The following ABCC12 variants were observed in gnomAD, a reference collection of about 807,000 sequenced individuals.
ABCC12 encodes ATP-binding cassette sub-family C member 12.
A neutral mutation model predicts 151.1 loss-of-function variants in ABCC12; 142 were observed. The observed-to-expected ratio is 0.94, with a 90% CI of 0.82 to 1.08. ABCC12 has a LOEUF of 1.08. ABCC12 is among the 50% of genes least tolerant of loss of function. The probability of loss-of-function intolerance (pLI) is 0.00; values close to 1 mark genes in which losing one functional copy is unlikely to be tolerated. For missense variants in ABCC12, 1,638 were observed against 1,691.1 expected (o/e 0.97, Z 0.55); for synonymous variants, 645 against 646.4 (o/e 1.00, Z 0.03).
chr16:48,092,648 G>A (rs1185802997), intron 24 of ABCC12, among the ~76,000 whole-genome samples: 2 of 152,316 alleles, frequency 1.3e-5, no homozygotes, highest in East Asian at 3.9e-4. Context: ...CAGAGTTGAA[G>A]GTTATAGACA....
intron 1 of ABCC12, among the ~76,000 whole-genome samples, chr16:48,154,531 T>A (rs1965158541): frequency 1.3e-5 from 2 of 152,218 alleles, no homozygotes; most frequent in Non-Finnish European, 2.9e-5. Context: ...ACTGTCTCTG[T>A]GACTCTGAGA....
intron 3 of ABCC12, among the ~76,000 whole-genome samples, chr16:48,145,529 C>T (rs1414410557): frequency 3.9e-5 from 6 of 152,162 alleles, no homozygotes; most frequent in Non-Finnish European, 7.3e-5. Flanking sequence ...AGTCTGTTTC[C>T]TCACACTTTG....
intron 10 of ABCC12, 121 bp downstream of exon 10, chr16:48,130,667 C>T: frequency 1.4e-6 from 1 of 692,546 alleles, no homozygotes; most frequent in South Asian, 1.7e-5. Context: ...TGCCCTCCTC[C>T]CAATGTCAAC....
Position 48,142,224 on chromosome 16 carries a change from T to C in ABCC12, c.276-871A>G, listed in dbSNP as rs562263899. On this transcript the variant is annotated intron_variant, in intron 4 of 30. Transcript: ENST00000311303. Reference sequence around the variant, plus strand: ...GGTCAAGAATAGGTCCAGCTTTAGATAGAAGATGCTCGTGAGGCATCCAAG... The same window carrying C: ...GGTCAAGAATAGGTCCAGCTTTAGACAGAAGATGCTCGTGAGGCATCCAAG... 8.5e-5 allele frequency among the ~76,000 whole-genome samples: 13 copies of C among 152,292 alleles called. No homozygotes were observed. In the South Asian group the frequency reaches 1.0e-3, roughly 12 times the overall value.
intron 13 of ABCC12, among the ~76,000 whole-genome samples, chr16:48,120,307 G>A (rs1228492196): frequency 3.3e-5 from 5 of 152,074 alleles, no homozygotes; most frequent in Admixed American, 2.6e-4. Context: ...AGAGGCAGTG[G>A]GAATTCCAAA....
intron 21 of ABCC12, 64 bp from the exon 22 acceptor site, chr16:48,104,432 G>C: frequency 2.0e-6 from 3 of 1,473,828 alleles, no homozygotes; most frequent in Non-Finnish European, 1.9e-6. Context: ...CTGCTGCTCT[G>C]CTGGAGGTGA....
rs554213635 is a variant in ABCC12, at chr16:48,088,990, G to C, written c.3286-256C>G. On this transcript the variant is annotated intron_variant, in intron 25 of 30. Coordinates refer to ENST00000311303, the MANE Select transcript of ABCC12 (RefSeq NM_001393797.1). ...GAATGTGATTTGTGTGTTGGGAAAG[G>C]GGGGTAGGAGAGTAAAAGTACTTGA... 8.5e-4 allele frequency among the ~76,000 whole-genome samples: 130 copies of C among 152,292 alleles called. 3 individuals are homozygous for C. In the South Asian group the frequency reaches 0.025, roughly 30 times the overall value.
chr16:48,131,757 G>C (rs955152701), intron 9 of ABCC12, among the ~76,000 whole-genome samples: 1 of 152,220 alleles, frequency 6.6e-6, no homozygotes, highest in Admixed American at 6.5e-5. Context: ...CCTGCCTGCT[G>C]TTAAATGGGC....
chr16:48,140,259 A>T (rs1481665450), intron 6 of ABCC12, among the ~76,000 whole-genome samples: 9 of 152,188 alleles, frequency 5.9e-5, no homozygotes, highest in Non-Finnish European at 1.2e-4. Context: ...TTAAGAGCTT[A>T]AGAAAATGTC....
Position 48,128,571 on chromosome 16 carries a change from C to G in ABCC12, c.1403G>C (p.Arg468Thr). ...NQKRHLCKKQ[R>T]SEAYSERSPP... The stretch of plus-strand genomic sequence containing the variant: ...ACTCCTCTCACTGTATGCCTCTGAC[C>G]TCTGTTTCTTGCATAAATGCCTTTT... The change falls in exon 11 of 31, where the codon AGG becomes ACG. Residue 468 changes from arginine to threonine, a missense_variant. Coordinates refer to ENST00000311303, the MANE Select transcript of ABCC12 (RefSeq NM_001393797.1). 1 of 1,614,230 alleles carries G rather than the reference C, an allele frequency of 6.2e-7. No homozygotes were observed. Among genetic ancestry groups the G allele is most frequent in the Middle Eastern group, 1.6e-4 (1 of 6,062 alleles).
chr16:48,141,804 G>A (rs1240027836), intron 4 of ABCC12, among the ~76,000 whole-genome samples: 9 of 152,224 alleles, frequency 5.9e-5, no homozygotes. Flanking sequence ...GGGACCTTGG[G>A]GGACTTCACA....
At chr16:48,114,881 G>T (rs576346646) in intron 15 of ABCC12, among the ~76,000 whole-genome samples, 1 of 152,326 alleles carries the variant, frequency 6.6e-6, no homozygotes, top group East Asian at 1.9e-4. Context: ...GCCTGAGACA[G>T]TGGCCCTGAG....
intron 6 of ABCC12, 81 bp downstream of exon 6, chr16:48,140,606 C>T (rs1271774911): frequency 7.5e-6 from 10 of 1,330,174 alleles, no homozygotes; most frequent in Non-Finnish European, 1.1e-5. Context: ...GGCAGGTGCT[C>T]CACTCAGGAT....
At chr16:48,098,734 C>T (rs1304853088) in intron 23 of ABCC12, among the ~76,000 whole-genome samples, 1 of 152,170 alleles carries the variant, frequency 6.6e-6, no homozygotes, top group Non-Finnish European at 1.5e-5. Flanking sequence ...TAAGCTGTAG[C>T]ATTTTTGTCT....
intron 9 of ABCC12, among the ~76,000 whole-genome samples, chr16:48,132,846 C>T (rs933281182): frequency 7.2e-5 from 11 of 152,290 alleles, no homozygotes; most frequent in Admixed American, 5.9e-4. Flanking sequence ...CACAACAGTG[C>T]TGATTGTGGC....
At chr16:48,146,858 C>A in intron 2 of ABCC12, 1 of 203,492 alleles carries the variant, frequency 4.9e-6, no homozygotes, top group Non-Finnish European at 1.0e-5. Context: ...CACACACATG[C>A]ACATGCACAC....
In ABCC12 at chr16:48,145,983, T is replaced by C. The variant is rs575704111; in HGVS notation, c.119+323A>G. ...GTCACTTAACCTCTCTGTGCCTGTT[T>C]CCTCACCTATCAGATAAAGATAGTA... On this transcript the variant is annotated intron_variant, in intron 3 of 30. Transcript: ENST00000311303. Among the ~76,000 whole-genome samples the C allele has an allele frequency of 6.6e-5, 10 of 152,364 alleles. No homozygotes were observed. The East Asian group carries it at 1.9e-3, about 29-fold the overall frequency.
chr16:48,128,169 T>C (rs1964302101), intron 11 of ABCC12, among the ~76,000 whole-genome samples: 1 of 152,048 alleles, frequency 6.6e-6, no homozygotes, highest in Non-Finnish European at 1.5e-5. Context: ...ACCTAGTCAG[T>C]TCAAGCCTAG....
intron 4 of ABCC12, 31 bp downstream of exon 4, chr16:48,143,879 C>T: frequency 6.2e-7 from 1 of 1,604,354 alleles, no homozygotes; most frequent in South Asian, 1.1e-5. Context: ...TGAAAATGGA[C>T]TAATACAGTG....
Sources: gnomAD v4.1 joint callset for allele counts (sites outside exome capture counted in the v4.1 genomes callset) on GRCh38, gnomAD v4.1.1 for gene constraint, MANE v1.5 for transcripts, NCBI Gene and HGNC (gene_info 2026-07-23, HGNC 2026-07-21) for gene names.